The following WDFY3 variants were observed in gnomAD, a reference collection of about 807,000 sequenced individuals.
The protein encoded by WDFY3 is WD repeat and FYVE domain-containing protein 3.
Under a neutral mutation model 409.6 loss-of-function variants are expected in WDFY3, and 66 were observed. The observed-to-expected ratio is 0.16, with a 90% confidence interval of 0.13 to 0.20. The LOEUF (loss-of-function observed/expected upper bound fraction) is 0.20. Ranked by LOEUF, WDFY3 falls within the 10% of genes least tolerant of loss-of-function variation. WDFY3 has a pLI of 1.00. For missense variants in WDFY3, 3,031 were observed against 4,298.1 expected (o/e 0.71, Z 8.24); for synonymous variants, 1,521 against 1,537.1 (o/e 0.99, Z 0.25).
intron 4 of WDFY3, among the ~76,000 whole-genome samples, chr4:84,858,646 G>A (rs1578848032): frequency 6.6e-6 from 1 of 151,742 alleles, no homozygotes; most frequent in East Asian, 1.9e-4. Context: ...TTAAGCTGAA[G>A]CCACAATAAA....
intron 55 of WDFY3, among the ~76,000 whole-genome samples, chr4:84,703,077 A>T (rs965703472): frequency 2.6e-5 from 4 of 151,580 alleles, no homozygotes; most frequent in Non-Finnish European, 4.4e-5. Context: ...AGCCTGGGGG[A>T]TAGCGAGACT....
intron 64 of WDFY3, among the ~76,000 whole-genome samples, chr4:84,679,888 A>G (rs566758245): frequency 6.6e-6 from 1 of 151,576 alleles, no homozygotes; most frequent in South Asian, 2.1e-4. Flanking sequence ...ATATATATAT[A>G]TATGTATGTA....
chr4:84,715,821 T>C (rs898408686), intron 49 of WDFY3, among the ~76,000 whole-genome samples: 6 of 150,940 alleles, frequency 4.0e-5, no homozygotes, highest in African/African-American at 1.5e-4. Flanking sequence ...CTAACACTTT[T>C]AGAGTCATGA....
chr4:84,947,287 C>T (rs1207907646), intron 1 of WDFY3, among the ~76,000 whole-genome samples: 4 of 148,992 alleles, frequency 2.7e-5, no homozygotes, highest in East Asian at 2.1e-4. Context: ...CCGAGGCGGG[C>T]GGATCACGAG....
At chr4:84,951,226 GT>G (rs1431946403) in intron 1 of WDFY3, among the ~76,000 whole-genome samples, 1 of 152,192 alleles carries the variant, frequency 6.6e-6, no homozygotes, top group Non-Finnish European at 1.5e-5. Flanking sequence ...CCGGGAATGA[GT>G]TACTGGTCAA....
At chr4:84,837,870 T>C (rs1298669356) in intron 6 of WDFY3, among the ~76,000 whole-genome samples, 1 of 152,192 alleles carries the variant, frequency 6.6e-6, no homozygotes, top group Non-Finnish European at 1.5e-5. Flanking sequence ...GGCTGTGTGC[T>C]GGGAGCTGGG....
chr4:84,890,529 G>C (rs1313674018), intron 3 of WDFY3, among the ~76,000 whole-genome samples: 1 of 152,232 alleles, frequency 6.6e-6, no homozygotes, highest in African/African-American at 2.4e-5. Flanking sequence ...CTGGGAGGCA[G>C]TGCATGTCAC....
At chr4:84,951,227 T>C (rs968793617) in intron 1 of WDFY3, among the ~76,000 whole-genome samples, 16 of 152,218 alleles carry the variant, frequency 1.1e-4, no homozygotes, top group African/African-American at 3.4e-4. Flanking sequence ...CGGGAATGAG[T>C]TACTGGTCAA....
At chr4:84,763,806 G>A (rs534372461) in intron 32 of WDFY3, among the ~76,000 whole-genome samples, 2 of 152,202 alleles carry the variant, frequency 1.3e-5, no homozygotes, top group East Asian at 3.9e-4. Context: ...GCTCATGCAA[G>A]TACCAATGAA....
rs1749811559 is a variant in WDFY3, at chr4:84,798,005, C to G, written c.2926G>C (p.Glu976Gln). The change falls in exon 18 of 68, where the codon GAA becomes CAA. Residue 976 changes from glutamate (E) to glutamine (Q), a missense_variant. This residue lies in a region of WDFY3 where 1,322 missense variants were observed against 1,697.9 expected (regional missense o/e 0.78). Transcript: ENST00000295888. ...HKPSSLSYEP[E>Q]MRSSMITSLE... ...GAATTTCAAAACTTACTTCTCATTT[C>G]TGGTTCATAACTCAGTGAACTTGGT... 1 of 1,606,322 alleles carries G rather than the reference C, an allele frequency of 6.2e-7. No homozygotes were observed. Among genetic ancestry groups the G allele is most frequent in the African/African-American group, 1.3e-5 (1 of 74,608 alleles).
intron 24 of WDFY3, among the ~76,000 whole-genome samples, chr4:84,784,891 T>TATATATATATACAC (rs1238884117): frequency 2.7e-4 from 10 of 36,926 alleles, no homozygotes; most frequent in African/African-American, 4.6e-4. Flanking sequence ...TATATATATA[T>TATATATATATACAC]ACACACACAC....
intron 9 of WDFY3, 43 bp downstream of exon 9, chr4:84,828,961 T>G: frequency 1.3e-6 from 2 of 1,488,290 alleles, no homozygotes; most frequent in Non-Finnish European, 1.8e-6. Context: ...TAAAAAAGAC[T>G]GAGTAGACAT....
chr4:84,804,136 C>A (rs1466560280), intron 15 of WDFY3: 1 of 152,148 alleles, frequency 6.6e-6, no homozygotes, highest in Non-Finnish European at 1.5e-5. Flanking sequence ...ATTAGAAAGC[C>A]CAGCCATGTC....
intron 25 of WDFY3, among the ~76,000 whole-genome samples, chr4:84,780,625 G>T (rs1420919973): frequency 6.6e-6 from 1 of 151,936 alleles, no homozygotes; most frequent in South Asian, 2.1e-4. Context: ...TTAGCCGGGC[G>T]TGGTTGCACG....
chr4:84,743,549 CA>C, intron 37 of WDFY3, 150 bp downstream of exon 37: 1 of 418,420 alleles, frequency 2.4e-6, no homozygotes, highest in East Asian at 4.3e-5. Flanking sequence ...CTACATGCAA[CA>C]AGATAGACAA....
intron 51 of WDFY3, among the ~76,000 whole-genome samples, chr4:84,711,201 G>A (rs1032135417): frequency 3.9e-5 from 6 of 152,164 alleles, no homozygotes; most frequent in Non-Finnish European, 7.3e-5. Flanking sequence ...TCTTGAAATG[G>A]CTGTGTTACC....
At chr4:84,738,385 T>TC (rs1317669381) in intron 40 of WDFY3, among the ~76,000 whole-genome samples, 1 of 151,782 alleles carries the variant, frequency 6.6e-6, no homozygotes, top group Non-Finnish European at 1.5e-5. Context: ...TCACTTCAGG[T>TC]CAGGAGGTTG....
chr4:84,713,757 C>G (rs879354798), intron 50 of WDFY3, among the ~76,000 whole-genome samples: 1 of 152,134 alleles, frequency 6.6e-6, no homozygotes, highest in Non-Finnish European at 1.5e-5. Flanking sequence ...TCAGAATAGC[C>G]TTATTATTCA....
chr4:84,726,724 AGG>A, intron 45 of WDFY3, 135 bp downstream of exon 45: 1 of 697,560 alleles, frequency 1.4e-6, no homozygotes, highest in South Asian at 2.2e-5. Flanking sequence ...TTCAACTCTA[AGG>A]AACTTATAGG....
Sources: gnomAD v4.1 joint callset for allele counts (sites outside exome capture counted in the v4.1 genomes callset) on GRCh38, gnomAD v4.1.1 for gene constraint, gnomAD v4.1.1 regional missense constraint, MANE v1.5 for transcripts, NCBI Gene and HGNC (gene_info 2026-07-23, HGNC 2026-07-21) for gene names.